Variants in MYO18A observed in about 807,000 individuals in gnomAD.
The protein encoded by MYO18A is myosin XVIIIA.
In MYO18A, 78 loss-of-function variants were observed where a neutral mutation model predicts 235.8. That is an observed-to-expected ratio of 0.33 (90% confidence interval 0.28 to 0.40). MYO18A has a LOEUF of 0.40. Among genes scored for constraint, MYO18A ranks in the 10% least tolerant of loss-of-function variants. The pLI is 1.00. For synonymous variants in MYO18A, 977 were observed against 1,077.8 expected (o/e 0.91, Z 1.83); for missense variants, 2,215 against 2,699.3 (o/e 0.82, Z 3.98).
rs2067712775 is a variant in MYO18A at position 29,140,488 on chromosome 17, C to T, written c.1000-18235G>A. 3.5e-6 allele frequency: 4 copies of T among 1,138,558 alleles called. No homozygotes were observed. The South Asian group carries it at 4.7e-5, about 13-fold the overall frequency. The allele number at this position is 1,138,558 out of a possible 1,614,324, so 70.5% of individuals were successfully genotyped here. A position where few individuals can be genotyped will look rare whatever the true frequency, so the allele number is the denominator to read the frequency against. ...CCCTCCCGTCCCGAGCTGCCCAGCCCTAGTTGGAGCCAGCAGCCCGGAGGA... is the reference window on the plus strand; with the variant it reads ...CCCTCCCGTCCCGAGCTGCCCAGCCTTAGTTGGAGCCAGCAGCCCGGAGGA... On this transcript the variant is annotated intron_variant, in intron 2 of 41. Transcript: ENST00000527372. The surrounding 1 kb of genome is among the most constrained non-coding windows in gnomAD (Gnocchi z 4.2).
chr17:29,083,506 CCACACAGGCATGTGTGCGCGCGCGCGCA>C (rs1459331788), intron 40 of MYO18A, among the ~76,000 whole-genome samples: 1 of 75,920 alleles, frequency 1.3e-5, no homozygotes, highest in Non-Finnish European at 2.4e-5. Flanking sequence ...AAATAAACAG[CCACACAGGCATGTGTGCGCGCGCGCGCA>C]CACACACACA....
intron 23 of MYO18A, among the ~76,000 whole-genome samples, 174 bp downstream of exon 23, chr17:29,098,652 G>GT (rs1344639317): frequency 1.3e-5 from 2 of 152,260 alleles, no homozygotes; most frequent in East Asian, 1.9e-4. Context: ...AGATTTTATC[G>GT]TAAGAGGCTG....
rs1347812943 is a variant in MYO18A, at chr17:29,086,494, C to T, written c.5796G>A (p.Leu1932=). The change falls in exon 39 of 42, where the codon CTG becomes CTA. Residue 1932 remains leucine, a synonymous_variant. Coordinates refer to ENST00000527372, the MANE Select transcript of MYO18A (RefSeq NM_078471.4). ...CCATCTCATCCTCAATGGCAGCCTG[C>T]AGGTCCCCGATGCGCTTGAATGCCA... The part of the protein sequence containing the change: ...LKLAFKRIGD[L]QAAIEDEMES... 5.0e-6 allele frequency: 8 copies of T among 1,610,930 alleles called. No individual in the cohort carries two copies. Among genetic ancestry groups the T allele is most frequent in the Non-Finnish European group, 5.9e-6 (7 of 1,178,568 alleles).
chr17:29,163,497 A>C (rs2068217015), intron 2 of MYO18A, among the ~76,000 whole-genome samples: 1 of 152,200 alleles, frequency 6.6e-6, no homozygotes, highest in African/African-American at 2.4e-5. Context: ...AAACAGGCTG[A>C]GGCTCGGGGA....
rs1254011805 is a variant in MYO18A, at chr17:29,118,699, G to A, written c.1830-259C>T. Among the ~76,000 whole-genome samples, 1 of 152,258 alleles carries A rather than the reference G, an allele frequency of 6.6e-6. No individual in the cohort carries two copies. The highest frequency in any genetic ancestry group is 1.5e-5 in the Non-Finnish European group (1 of 68,044). On this transcript the variant is annotated intron_variant, in intron 8 of 41. Transcript: ENST00000527372. The surrounding 1 kb of genome is among the most constrained non-coding windows in gnomAD (Gnocchi z 4.2). ...CAACCTGGCCCCCGGAAGGGAGCAGGGAACCTGCCCGAAGGGTGAGTCCCG... is the reference window on the plus strand; with the variant it reads ...CAACCTGGCCCCCGGAAGGGAGCAGAGAACCTGCCCGAAGGGTGAGTCCCG...
At chr17:29,171,351 C>T (rs1394824443) in intron 1 of MYO18A, among the ~76,000 whole-genome samples, 3 of 151,932 alleles carry the variant, frequency 2.0e-5, no homozygotes, top group East Asian at 3.9e-4. Context: ...GCAGGAGAAT[C>T]GCTTGAACCT....
Position 29,117,206 on chromosome 17 carries a change from C to T in MYO18A, c.2039-751G>A, listed in dbSNP as rs2067094083. On this transcript the variant is annotated intron_variant, in intron 10 of 41. Transcript: ENST00000527372. This position sits in a 1 kb window ranked among gnomAD's most constrained non-coding sequence, Gnocchi z 4.6. ...GGTGAAGAGGTGCTCGAATCGCCAT[C>T]CTCCAACGTAAGTCATCTTGAAGGA... is the stretch of plus-strand genomic sequence containing the variant. 6.6e-6 allele frequency among the ~76,000 whole-genome samples: 1 copy of T among 152,204 alleles called. No individual in the cohort carries two copies. The highest frequency in any genetic ancestry group is 1.9e-4 in the East Asian group (1 of 5,186).
At chr17:29,110,767 C>A in intron 17 of MYO18A, 145 bp from the exon 18 acceptor site, 1 of 804,028 alleles carries the variant, frequency 1.2e-6, no homozygotes, top group South Asian at 1.9e-5. Flanking sequence ...ATGCCCCACA[C>A]CCTACAGAGA....
intron 23 of MYO18A, 28 bp downstream of exon 23, chr17:29,098,798 G>T (rs777899849): frequency 6.2e-7 from 1 of 1,613,352 alleles, no homozygotes; most frequent in South Asian, 1.1e-5. Context: ...CCTACCCAGA[G>T]ACTTGGCCCT....
In MYO18A at chr17:29,120,561, C is replaced by G; in HGVS notation, c.1728+55G>C. The G allele has an allele frequency of 6.4e-7, 1 of 1,572,698 alleles. No individual in the cohort carries two copies. Among genetic ancestry groups the G allele is most frequent in the Non-Finnish European group, 8.6e-7 (1 of 1,158,528 alleles). On this transcript the variant is annotated intron_variant, in intron 7 of 41. Coordinates refer to ENST00000527372, the MANE Select transcript of MYO18A (RefSeq NM_078471.4). The surrounding 1 kb of genome is among the most constrained non-coding windows in gnomAD (Gnocchi z 4.2). ...ATGGGAGAGAGCCTGATGTCTAGGTCATGAAATCATGTGGCCTGTGTCCTA... is the reference window on the plus strand; with the variant it reads ...ATGGGAGAGAGCCTGATGTCTAGGTGATGAAATCATGTGGCCTGTGTCCTA...
chr17:29,166,951 C>A lies in MYO18A; in HGVS notation c.-11G>T. 6.6e-7 allele frequency: 1 copy of A among 1,524,902 alleles called. No individual in the cohort carries two copies. The highest frequency in any genetic ancestry group is 8.8e-7 in the Non-Finnish European group (1 of 1,131,498). 94.5% of individuals were successfully genotyped at this position (1,524,902 alleles called of 1,614,324 possible). ...CATTAGGTTAAACATGGTGGGGGTG[C>A]TGTTTGTAGGGGTAGCACCCCCAGA... On this transcript the variant is annotated 5_prime_UTR_variant, in exon 2 of 42. Transcript: ENST00000527372.
At chr17:29,175,137 A>G (rs2068495134) in intron 1 of MYO18A, among the ~76,000 whole-genome samples, 2 of 151,980 alleles carry the variant, frequency 1.3e-5, no homozygotes, top group South Asian at 2.1e-4. Flanking sequence ...TTTTTAAATA[A>G]CAGAGATGGG....
chr17:29,136,248 AAAATATATAT>A (rs1459987395), intron 2 of MYO18A, among the ~76,000 whole-genome samples: 27 of 74,614 alleles, frequency 3.6e-4, no homozygotes, highest in African/African-American at 1.1e-3. Context: ...AAAAAAAAAA[AAAATATATAT>A]ATATATATAT....
At chr17:29,115,865 G>T in intron 11 of MYO18A, 25 bp from the exon 12 acceptor site, 1 of 1,559,904 alleles carries the variant, frequency 6.4e-7, no homozygotes. Context: ...AAGGGATCTG[G>T]CATCCTGGGT....
At chr17:29,176,762 C>A (rs938441945) in intron 1 of MYO18A, 1 of 152,248 alleles carries the variant, frequency 6.6e-6, no homozygotes, top group Non-Finnish European at 1.5e-5. Flanking sequence ...CCAGGTCACA[C>A]GGAGCTTATC....
At chr17:29,123,011 C>G (rs1289477832) in intron 2 of MYO18A, among the ~76,000 whole-genome samples, 1 of 152,214 alleles carries the variant, frequency 6.6e-6, no homozygotes, top group Non-Finnish European at 1.5e-5. Flanking sequence ...GCAGCCCTGC[C>G]CTGTCAAACA....
chr17:29,140,489 T>C lies in MYO18A; in HGVS notation c.1000-18236A>G. ...CCTCCCGTCCCGAGCTGCCCAGCCC[T>C]AGTTGGAGCCAGCAGCCCGGAGGAC... is the stretch of plus-strand genomic sequence containing the variant. On this transcript the variant is annotated intron_variant, in intron 2 of 41. Coordinates refer to ENST00000527372, the MANE Select transcript of MYO18A (RefSeq NM_078471.4). The surrounding 1 kb of genome is among the most constrained non-coding windows in gnomAD (Gnocchi z 4.2). 8.8e-7 allele frequency: 1 copy of C among 1,130,032 alleles called. No homozygotes were observed. The allele number at this position is 1,130,032 out of a possible 1,614,324, so 70.0% of individuals were successfully genotyped here.
chr17:29,141,408 A>G (rs1306854356), intron 2 of MYO18A, among the ~76,000 whole-genome samples: 1 of 147,884 alleles, frequency 6.8e-6, no homozygotes, highest in East Asian at 2.0e-4. Flanking sequence ...AAAAAAGGAA[A>G]CAGTCATTGC....
intron 41 of MYO18A, chr17:29,076,832 T>C (rs979021318): frequency 1.3e-5 from 2 of 152,234 alleles, no homozygotes; most frequent in South Asian, 2.1e-4. Context: ...CCTGGCTTTG[T>C]GGAAAGACAG....
Sources: gnomAD v4.1 joint callset for allele counts (sites outside exome capture counted in the v4.1 genomes callset) on GRCh38, gnomAD v4.1.1 for gene constraint, Gnocchi (gnomAD v3.1) non-coding constraint, MANE v1.5 for transcripts, NCBI Gene and HGNC (gene_info 2026-07-23, HGNC 2026-07-21) for gene names.